CCDC40: variants seen among roughly 807,000 people sequenced by gnomAD.
CCDC40 encodes coiled-coil domain 40 molecular ruler complex subunit.
A neutral mutation model predicts 124.5 loss-of-function variants in CCDC40; 104 were observed. That is an observed-to-expected ratio of 0.84 (90% CI 0.71 to 0.98). CCDC40 has a LOEUF of 0.98. Among genes scored for constraint, CCDC40 ranks in the 50% least tolerant of loss-of-function variants. The probability of loss-of-function intolerance (pLI) is 0.00; values close to 1 mark genes in which losing one functional copy is unlikely to be tolerated. For missense variants in CCDC40, 1,463 were observed against 1,503.9 expected, an observed-to-expected ratio of 0.97 and a Z score of 0.45; for synonymous variants, 580 against 602.9, an observed-to-expected ratio of 0.96 and a Z score of 0.56.
chr17:80,048,344 A>T, intron 4 of CCDC40: 1 of 571,954 alleles, frequency 1.7e-6, no homozygotes, highest in Non-Finnish European at 3.2e-6. Flanking sequence ...CCTCTCAAAA[A>T]TAATTTCCTT....
chr17:80,074,580 G>C (rs1244045221), intron 10 of CCDC40, among the ~76,000 whole-genome samples: 1 of 152,074 alleles, frequency 6.6e-6, no homozygotes, highest in East Asian at 1.9e-4. Context: ...AGGAGTTCTA[G>C]ACCAGCCTGG....
At position 80,048,777 on chromosome 17, in the gene CCDC40, C is replaced by T. The variant is rs768079566; in HGVS notation, c.855+16C>T. The T allele has an allele frequency of 6.3e-7, 1 of 1,594,510 alleles. No homozygotes were observed. The highest frequency in any genetic ancestry group is 1.8e-5 in the Admixed American group (1 of 56,302). On this transcript the variant is annotated intron_variant, in intron 5 of 19. Coordinates refer to ENST00000397545, the MANE Select transcript of CCDC40 (RefSeq NM_017950.4). The stretch of plus-strand genomic sequence containing the variant: ...CCCAGACCACGTAAGGAAGCCTTCC[C>T]AGGTTTTGCTTTTGCCTACATGGAT...
At chr17:80,067,602 T>A (rs1451943437) in intron 10 of CCDC40, 1 of 1,536,216 alleles carries the variant, frequency 6.5e-7, no homozygotes, top group African/African-American at 1.4e-5. Flanking sequence ...ACGGGGAAGC[T>A]TCCTGCCCGG....
At chr17:80,068,086 T>C in intron 10 of CCDC40, 3 of 667,622 alleles carry the variant, frequency 4.5e-6, no homozygotes, top group Non-Finnish European at 5.5e-6. Flanking sequence ...CAGGCTGGAG[T>C]GCAGTGGCAC....
chr17:80,072,507 G>C (rs2038217633), intron 10 of CCDC40, among the ~76,000 whole-genome samples: 2 of 152,044 alleles, frequency 1.3e-5, no homozygotes, highest in African/African-American at 4.8e-5. Flanking sequence ...ACATTTATAA[G>C]GCTGCTCCTT....
intron 18 of CCDC40, among the ~76,000 whole-genome samples, chr17:80,096,395 G>A (rs980063614): frequency 6.6e-6 from 1 of 152,176 alleles, no homozygotes; most frequent in Non-Finnish European, 1.5e-5. Flanking sequence ...TGCATGGGCT[G>A]CTCATTTGGA....
chr17:80,097,187 C>T, intron 18 of CCDC40, 58 bp from the exon 19 acceptor site: 2 of 1,593,174 alleles, frequency 1.3e-6, no homozygotes. Flanking sequence ...CCTGACTCTT[C>T]CCTGTCCGCC....
At chr17:80,090,837 C>A in intron 17 of CCDC40, 1 of 1,168,090 alleles carries the variant, frequency 8.6e-7, no homozygotes, top group Non-Finnish European at 1.1e-6. Context: ...AATTCCTCTG[C>A]TGAGTTATTT....
Position 80,084,676 on chromosome 17 carries a change from A to G in CCDC40, c.1990-67A>G, listed in dbSNP as rs1176287052. 28 of 1,594,020 alleles carry G rather than the reference A, an allele frequency of 1.8e-5. No individual in the cohort carries two copies. In the East Asian group the frequency reaches 6.0e-4, roughly 34 times the overall value. ...CATCCCGACCGTCAGGGAACGGTGG[A>G]TCAGCAAACTCGTCCCGGGCCTTGG... On this transcript the variant is annotated intron_variant, in intron 12 of 19. Transcript: ENST00000397545.
In CCDC40 at chr17:80,064,082, G is replaced by A. The variant is rs151332874; in HGVS notation, c.1441-1403G>A. Among the ~76,000 whole-genome samples the A allele has an allele frequency of 3.3e-4, 49 of 149,814 alleles. 1 individual carries two copies. Among genetic ancestry groups the A allele is most frequent in the Admixed American group, 2.6e-3 (39 of 15,260 alleles). On this transcript the variant is annotated intron_variant, in intron 9 of 19. Coordinates refer to ENST00000397545, the MANE Select transcript of CCDC40 (RefSeq NM_017950.4). ...GGCTGCCCAATAATCCTAAGTAAGC[G>A]TCTGTGAGAGGAAAAAAAAGTCCCC... is the stretch of plus-strand genomic sequence containing the variant.
At position 80,039,794 on chromosome 17, in the gene CCDC40, C is replaced by T. The variant is rs1191015300; in HGVS notation, c.94-18C>T. The stretch of plus-strand genomic sequence containing the variant: ...TTATACTTTGTTTCCTGATTTTTTT[C>T]CTGCCACACCTTTACAGGTGTCACC... On this transcript the variant is annotated intron_variant, in intron 2 of 19. Transcript: ENST00000397545. 1.2e-6 allele frequency: 2 copies of T among 1,611,658 alleles called. No homozygotes were observed. Among genetic ancestry groups the T allele is most frequent in the Non-Finnish European group, 1.7e-6 (2 of 1,178,656 alleles).
At chr17:80,077,067 A>G (rs1033909018) in intron 10 of CCDC40, among the ~76,000 whole-genome samples, 4 of 152,136 alleles carry the variant, frequency 2.6e-5, no homozygotes, top group African/African-American at 9.7e-5. Context: ...ACATGATGCT[A>G]TTGCACGCTT....
At chr17:80,056,453 C>CT (rs1167046733) in intron 7 of CCDC40, among the ~76,000 whole-genome samples, 1 of 151,826 alleles carries the variant, frequency 6.6e-6, no homozygotes, top group African/African-American at 2.4e-5. Flanking sequence ...AACCCCATCT[C>CT]TACAAAAAAT....
At chr17:80,051,628 CAAAAAAAAAAA>C (rs200887220) in intron 7 of CCDC40, among the ~76,000 whole-genome samples, 1 of 94,148 alleles carries the variant, frequency 1.1e-5, no homozygotes, top group Non-Finnish European at 2.0e-5. Context: ...GACTCCGTCT[CAAAAAAAAAAA>C]AAAAAAAAAA....
chr17:80,085,666 CTTTT>C (rs5822324), intron 13 of CCDC40, among the ~76,000 whole-genome samples: 382 of 109,970 alleles, frequency 3.5e-3, no homozygotes, highest in African/African-American at 5.8e-3. Flanking sequence ...GCTAATTTTG[CTTTT>C]TTTTTTTTTT....
At position 80,058,823 on chromosome 17, in the gene CCDC40, C is replaced by T. The variant is rs2143650043; in HGVS notation, c.1318-35C>T. 1 of 1,613,972 alleles carries T rather than the reference C, an allele frequency of 6.2e-7. No homozygotes were observed. The highest frequency in any genetic ancestry group is 8.5e-7 in the Non-Finnish European group (1 of 1,180,016). On this transcript the variant is annotated intron_variant, in intron 8 of 19. Coordinates refer to ENST00000397545, the MANE Select transcript of CCDC40 (RefSeq NM_017950.4). The surrounding 1 kb of genome is among the most constrained non-coding windows in gnomAD (Gnocchi z 4.2). Reference sequence around the variant, plus strand: ...AGAACAGGCCCTCAGCCACGGGCACCTCCTGACGGGGCTGCTTCTCATCCT... The same window carrying T: ...AGAACAGGCCCTCAGCCACGGGCACTTCCTGACGGGGCTGCTTCTCATCCT...
Position 80,065,422 on chromosome 17 carries a change from C to T in CCDC40, c.1441-63C>T. ...TTTGGGAATGTGAGGCTCTGGTGTT[C>T]TTGGGCTTTGCTCGCAAATGAAATG... is the stretch of plus-strand genomic sequence containing the variant. On this transcript the variant is annotated intron_variant, in intron 9 of 19. Transcript: ENST00000397545. 3 of 1,609,474 alleles carry T rather than the reference C, an allele frequency of 1.9e-6. No homozygotes were observed. In the South Asian group the frequency reaches 3.3e-5, roughly 18 times the overall value.
rs1301691668 is a variant in CCDC40, at chr17:80,057,127, C to T, written c.1160-1367C>T. Among the ~76,000 whole-genome samples the T allele has an allele frequency of 2.0e-5, 3 of 151,742 alleles. No homozygotes were observed. In the East Asian group the frequency reaches 5.8e-4, roughly 30 times the overall value. The stretch of plus-strand genomic sequence containing the variant: ...TTAGCTACTGCAAGCTATATTAATG[C>T]ACAGGTTGCTTTTTTTTTGAGACAG... On this transcript the variant is annotated intron_variant, in intron 7 of 19. Coordinates refer to ENST00000397545, the MANE Select transcript of CCDC40 (RefSeq NM_017950.4).
At chr17:80,049,850 G>A in intron 5 of CCDC40, 56 bp from the exon 6 acceptor site, 2 of 1,500,398 alleles carry the variant, frequency 1.3e-6, no homozygotes, top group South Asian at 2.3e-5. Context: ...CTGAGCCCTG[G>A]GTCGGGCAGG....
Sources: gnomAD v4.1 joint callset for allele counts (sites outside exome capture counted in the v4.1 genomes callset) on GRCh38, gnomAD v4.1.1 for gene constraint, Gnocchi (gnomAD v3.1) non-coding constraint, MANE v1.5 for transcripts, NCBI Gene and HGNC (gene_info 2026-07-23, HGNC 2026-07-21) for gene names.